The following COG6 variants were observed in gnomAD, a reference collection of about 807,000 sequenced individuals.
COG6 encodes the protein component of oligomeric golgi complex 6.
Under a neutral mutation model 88.8 loss-of-function variants are expected in COG6, and 74 were observed. The observed-to-expected ratio is 0.83, with a 90% CI of 0.69 to 1.01. The LOEUF (loss-of-function observed/expected upper bound fraction) is 1.01. Ranked by LOEUF, COG6 falls within the 50% of genes least tolerant of loss-of-function variation. The pLI, the probability that COG6 is intolerant of heterozygous loss-of-function variation, is 0.00. For missense variants in COG6, 800 were observed against 797.9 expected, an observed-to-expected ratio of 1.00 and a Z score of -0.03; for synonymous variants, 286 against 278.7, an observed-to-expected ratio of 1.03 and a Z score of -0.26.
At chr13:39,762,255 A>G (rs1296709329) in intron 18 of COG6, among the ~76,000 whole-genome samples, 2 of 151,956 alleles carry the variant, frequency 1.3e-5, no homozygotes, top group Non-Finnish European at 2.9e-5. Context: ...TAGTGAAATA[A>G]GCCAGGCACA....
chr13:39,691,578 T>A (rs1260049258), intron 11 of COG6, among the ~76,000 whole-genome samples: 1 of 151,972 alleles, frequency 6.6e-6, no homozygotes, highest in Admixed American at 6.6e-5. Flanking sequence ...GTGTTCACAA[T>A]AGTTACGTAT....
At chr13:39,726,667 A>G (rs1352244922) in intron 17 of COG6, among the ~76,000 whole-genome samples, 3 of 151,942 alleles carry the variant, frequency 2.0e-5, no homozygotes, top group Non-Finnish European at 2.9e-5. Flanking sequence ...CTTAAATTCA[A>G]TGGTTTACTA....
intron 18 of COG6, among the ~76,000 whole-genome samples, chr13:39,735,862 A>G (rs544656672): frequency 6.6e-6 from 1 of 151,856 alleles, no homozygotes; most frequent in East Asian, 1.9e-4. Context: ...TAAGGTTTCC[A>G]CTGAAAAGTC....
chr13:39,687,535 GA>G lies in COG6; in HGVS notation c.823del (p.Ser275ValfsTer31), dbSNP rs761966665. Reference sequence around the variant, plus strand: ...TTAGATGAATTTGGAACAGCCAGAAGAAGTACAGTTGTTCGTGGATTTATTG... The same window carrying G: ...TTAGATGAATTTGGAACAGCCAGAAGAGTACAGTTGTTCGTGGATTTATTG... ...YTLDEFGTAR[R>X]STVVRGFIDA... On this transcript the variant is annotated frameshift_variant, in exon 9 of 19. Transcript: ENST00000455146. LOFTEE classifies it high-confidence loss of function. 5 of 1,613,298 alleles carry G rather than the reference GA, an allele frequency of 3.1e-6. No homozygotes were observed. Among genetic ancestry groups the G allele is most frequent in the Non-Finnish European group, 4.2e-6 (5 of 1,179,504 alleles).
At chr13:39,709,051 G>A (rs1878096288) in intron 13 of COG6, among the ~76,000 whole-genome samples, 3 of 152,220 alleles carry the variant, frequency 2.0e-5, no homozygotes, top group Middle Eastern at 6.8e-3. Context: ...GAGTCTGATA[G>A]AGCTGTACTC....
intron 10 of COG6, among the ~76,000 whole-genome samples, chr13:39,689,006 G>A (rs76761043): frequency 0.012 from 1,769 of 152,274 alleles, 15 homozygotes; most frequent in Non-Finnish European, 0.019. Flanking sequence ...TAACTCTTCA[G>A]TATCAAGATT....
intron 15 of COG6, 59 bp from the exon 16 acceptor site, chr13:39,723,272 TGC>T: frequency 9.7e-7 from 1 of 1,033,046 alleles, no homozygotes; most frequent in Non-Finnish European, 1.5e-6. Flanking sequence ...TGCAAGGCAC[TGC>T]ATCTACTCTC....
chr13:39,706,228 T>TAC (rs1353219883), intron 13 of COG6, among the ~76,000 whole-genome samples: 6 of 105,156 alleles, frequency 5.7e-5, no homozygotes, highest in South Asian at 3.5e-4. Flanking sequence ...TATATATATA[T>TAC]ACTCCTTTAT....
At chr13:39,715,894 A>G (rs1178988920) in intron 13 of COG6, among the ~76,000 whole-genome samples, 1 of 152,022 alleles carries the variant, frequency 6.6e-6, no homozygotes, top group African/African-American at 2.4e-5. Context: ...AAAATTTTTA[A>G]AAAACCCTCT....
At chr13:39,763,838 A>G (rs1320777242) in intron 18 of COG6, among the ~76,000 whole-genome samples, 1 of 151,808 alleles carries the variant, frequency 6.6e-6, no homozygotes, top group East Asian at 1.9e-4. Flanking sequence ...GGATTTTTAC[A>G]TCTTTGTTCA....
At chr13:39,719,448 C>A in intron 14 of COG6, 81 bp downstream of exon 14, 1 of 1,396,056 alleles carries the variant, frequency 7.2e-7, no homozygotes, top group East Asian at 2.4e-5. Context: ...TTTTGTAATT[C>A]ATATACTTTG....
At chr13:39,785,311 G>T (rs1303368172) in intron 18 of COG6, 1 of 152,148 alleles carries the variant, frequency 6.6e-6, no homozygotes, top group Non-Finnish European at 1.5e-5. Flanking sequence ...AGTAAGGCAG[G>T]GATTAAAGGG....
intron 8 of COG6, chr13:39,682,489 T>C (rs1376832567): frequency 2.4e-5 from 11 of 455,146 alleles, no homozygotes; most frequent in East Asian, 4.2e-5. Context: ...AGTGTCTCTG[T>C]ATCTAGACTA....
At chr13:39,783,296 A>C (rs1269382994) in intron 18 of COG6, among the ~76,000 whole-genome samples, 1 of 152,236 alleles carries the variant, frequency 6.6e-6, no homozygotes, top group Non-Finnish European at 1.5e-5. Flanking sequence ...AATGGAAATA[A>C]ATATTGTCCT....
At chr13:39,711,977 A>C (rs9548894) in intron 13 of COG6, among the ~76,000 whole-genome samples, 2 of 151,930 alleles carry the variant, frequency 1.3e-5, no homozygotes, top group Non-Finnish European at 2.9e-5. Context: ...CTCCAGCTTC[A>C]GCCTCCCGAG....
At chr13:39,657,496 G>A (rs938642355) in intron 1 of COG6, among the ~76,000 whole-genome samples, 1 of 151,150 alleles carries the variant, frequency 6.6e-6, no homozygotes, top group African/African-American at 2.4e-5. Context: ...GACATTTCAA[G>A]GCTATAGTCT....
At chr13:39,746,950 G>GT (rs1217445876) in intron 18 of COG6, among the ~76,000 whole-genome samples, 3 of 152,006 alleles carry the variant, frequency 2.0e-5, no homozygotes, top group Non-Finnish European at 2.9e-5. Context: ...CATGTAGGTA[G>GT]TTTTTTTAAA....
chr13:39,691,427 C>A (rs541540243), intron 11 of COG6, among the ~76,000 whole-genome samples: 23 of 151,890 alleles, frequency 1.5e-4, no homozygotes, highest in African/African-American at 5.1e-4. Context: ...ATGTAAGATG[C>A]CAAAGGTAAA....
chr13:39,716,793 C>T (rs753996163), intron 13 of COG6, among the ~76,000 whole-genome samples: 8 of 152,144 alleles, frequency 5.3e-5, no homozygotes, highest in East Asian at 1.9e-4. Flanking sequence ...TCCTTTATGC[C>T]GTTATTAATA....
Sources: gnomAD v4.1 joint callset for allele counts (sites outside exome capture counted in the v4.1 genomes callset) on GRCh38, gnomAD v4.1.1 for gene constraint, MANE v1.5 for transcripts, NCBI Gene and HGNC (gene_info 2026-07-23, HGNC 2026-07-21) for gene names.